NRG1: variants seen among roughly 807,000 people sequenced by gnomAD.
NRG1 encodes the protein pro-neuregulin-1, membrane-bound isoform.
In NRG1, 18 loss-of-function variants were observed where a neutral mutation model predicts 63.8. The ratio of observed to expected loss-of-function variants is 0.28; its 90% CI spans 0.19 to 0.42. The LOEUF (loss-of-function observed/expected upper bound fraction) is 0.42, where lower values mean the gene tolerates loss of function less well. NRG1 is among the 10% of genes least tolerant of loss of function. NRG1 has a pLI of 1.00. For synonymous variants in NRG1, 302 were observed against 301.3 expected (o/e 1.00, Z -0.02); for missense variants, 762 against 814.7 (o/e 0.94, Z 0.79).
chr8:32,597,984 G>A (rs1843658231), intron 2 of NRG1, among the ~76,000 whole-genome samples: 1 of 152,148 alleles, frequency 6.6e-6, no homozygotes, highest in Non-Finnish European at 1.5e-5. Flanking sequence ...CATCAGACAA[G>A]TTAGTAAGGA....
At chr8:32,375,351 A>G (rs1441695172) in intron 1 of NRG1, among the ~76,000 whole-genome samples, 1 of 152,184 alleles carries the variant, frequency 6.6e-6, no homozygotes, top group Non-Finnish European at 1.5e-5. Context: ...ATAAGTATGC[A>G]GTTATGAGGA....
chr8:32,341,252 A>G (rs753939683), intron 1 of NRG1, among the ~76,000 whole-genome samples: 6 of 152,174 alleles, frequency 3.9e-5, no homozygotes, highest in Admixed American at 6.5e-5. Flanking sequence ...AGAGGGTTCT[A>G]TTATTCCACT....
chr8:31,711,103 A>G (rs1247683893), intron 1 of NRG1, among the ~76,000 whole-genome samples: 2 of 152,180 alleles, frequency 1.3e-5, no homozygotes, highest in African/African-American at 4.8e-5. Context: ...ATAATCAACA[A>G]ACATTTTCAA....
chr8:32,296,786 A>G (rs1234258432), intron 1 of NRG1, among the ~76,000 whole-genome samples: 1 of 152,102 alleles, frequency 6.6e-6, no homozygotes, highest in African/African-American at 2.4e-5. Context: ...AAAAATAAAC[A>G]CTTTGCTTCT....
intron 1 of NRG1, among the ~76,000 whole-genome samples, chr8:32,275,943 G>A (rs1852056623): frequency 6.6e-6 from 1 of 152,118 alleles, no homozygotes; most frequent in South Asian, 2.1e-4. Context: ...ATATTTATGG[G>A]ATAAGAGTGA....
intron 2 of NRG1, among the ~76,000 whole-genome samples, chr8:32,601,537 G>A (rs1177622172): frequency 6.6e-6 from 1 of 151,970 alleles, no homozygotes; most frequent in Non-Finnish European, 1.5e-5. Context: ...TTTCCTGTAA[G>A]ACTTAGCAAT....
At chr8:32,620,356 T>A (rs1848110022) in intron 5 of NRG1, among the ~76,000 whole-genome samples, 2 of 152,058 alleles carry the variant, frequency 1.3e-5, no homozygotes, top group Non-Finnish European at 2.9e-5. Flanking sequence ...TGAAGTAGTA[T>A]GGATTCAGCA....
chr8:31,860,693 A>G (rs894997541), intron 1 of NRG1, among the ~76,000 whole-genome samples: 3 of 152,218 alleles, frequency 2.0e-5, no homozygotes, highest in Non-Finnish European at 4.4e-5. Context: ...GCGTGTTTGA[A>G]TAATATAAAA....
chr8:32,423,329 G>T (rs1440086472), intron 1 of NRG1, among the ~76,000 whole-genome samples: 2 of 152,122 alleles, frequency 1.3e-5, no homozygotes, highest in Non-Finnish European at 2.9e-5. Context: ...TTCACTGATG[G>T]ATTATTTCAA....
At chr8:32,354,347 A>T (rs13270839) in intron 1 of NRG1, among the ~76,000 whole-genome samples, 1 of 151,638 alleles carries the variant, frequency 6.6e-6, no homozygotes. Flanking sequence ...CCAGTCTGGG[A>T]GACAGAGTGA....
rs111663034 is a variant in NRG1, at chr8:32,383,885, T to A, written c.38-211943T>A. 2.5e-3 allele frequency among the ~76,000 whole-genome samples: 381 copies of A among 152,322 alleles called. 3 individuals carry two copies. Among genetic ancestry groups the A allele is most frequent in the African/African-American group, 8.9e-3 (370 of 41,562 alleles). On this transcript the variant is annotated intron_variant, in intron 1 of 10. Transcript: ENST00000519301. Reference sequence around the variant, plus strand: ...CCCACTTCGTCTGGTAAATTGGGACTGTAATTCTTACTTTGTCTTAGCCCA... The same window carrying A: ...CCCACTTCGTCTGGTAAATTGGGACAGTAATTCTTACTTTGTCTTAGCCCA...
chr8:32,154,561 C>T (rs536127884), intron 1 of NRG1, among the ~76,000 whole-genome samples: 28 of 152,136 alleles, frequency 1.8e-4, no homozygotes, highest in Non-Finnish European at 2.4e-4. Context: ...CCTTCCTCTG[C>T]AAGGCCTTCT....
chr8:32,089,171 C>T (rs979030130), intron 1 of NRG1, among the ~76,000 whole-genome samples: 3 of 152,158 alleles, frequency 2.0e-5, no homozygotes, highest in East Asian at 1.9e-4. Flanking sequence ...TTGCACGCAG[C>T]GCACTCTGCC....
intron 5 of NRG1, among the ~76,000 whole-genome samples, chr8:32,653,756 A>G (rs1156551159): frequency 6.6e-6 from 1 of 152,230 alleles, no homozygotes; most frequent in Non-Finnish European, 1.5e-5. Flanking sequence ...GAGTATTAAA[A>G]TATTCCCAAG....
At chr8:32,675,486 G>T (rs1476636298) in intron 5 of NRG1, among the ~76,000 whole-genome samples, 1 of 152,140 alleles carries the variant, frequency 6.6e-6, no homozygotes, top group Non-Finnish European at 1.5e-5. Flanking sequence ...TTGTTGCTCA[G>T]ATTTGAATAA....
chr8:32,655,281 C>T (rs1448510659), intron 5 of NRG1, among the ~76,000 whole-genome samples: 1 of 152,142 alleles, frequency 6.6e-6, no homozygotes, highest in Non-Finnish European at 1.5e-5. Flanking sequence ...GTTGATGATA[C>T]ATCATGCTAA....
At chr8:32,548,550 G>A (rs1833407157) in exon 1 of NRG1, 1 of 1,255,426 alleles carries the variant, frequency 8.0e-7, no homozygotes, top group Non-Finnish European at 1.0e-6. Context: ...CGCCCGCCGC[G>A]TCCGCGCCGC....
chr8:31,774,311 C>T (rs1286409199), intron 1 of NRG1, among the ~76,000 whole-genome samples: 1 of 152,152 alleles, frequency 6.6e-6, no homozygotes, highest in Non-Finnish European at 1.5e-5. Flanking sequence ...TATTCTCTAT[C>T]CCTTACCATG....
chr8:31,965,049 G>A (rs1586125543), intron 1 of NRG1, among the ~76,000 whole-genome samples: 1 of 152,168 alleles, frequency 6.6e-6, no homozygotes, highest in African/African-American at 2.4e-5. Context: ...AGCAACTTCA[G>A]CTGAGATTTT....
Sources: allele counts gnomAD v4.1 joint callset (sites outside exome capture counted in the v4.1 genomes callset), GRCh38; gene constraint gnomAD v4.1.1; transcripts MANE v1.5; gene names NCBI Gene and HGNC (gene_info 2026-07-23, HGNC 2026-07-21).